ITGB4: variants seen among roughly 807,000 people sequenced by gnomAD.
ITGB4 encodes the protein integrin beta-4.
In ITGB4, 159 loss-of-function variants were observed where a neutral mutation model predicts 207.6. The ratio of observed to expected loss-of-function variants is 0.77; its 90% CI spans 0.67 to 0.87. The LOEUF is 0.87. Ranked by LOEUF, ITGB4 falls within the 40% of genes least tolerant of loss-of-function variation. The pLI is 0.00. For synonymous variants in ITGB4, 1,020 were observed against 1,062.7 expected, an observed-to-expected ratio of 0.96 and a Z score of 0.78; for missense variants, 2,278 against 2,546.8, an observed-to-expected ratio of 0.89 and a Z score of 2.27.
rs2143571917 is a variant in ITGB4, at chr17:75,757,487, G to C, written c.5401G>C (p.Val1801Leu). The change falls in exon 40 of 40, where the codon GTG (valine) becomes CTG (leucine). Residue 1801 changes from valine (V) to leucine (L), a missense_variant. Coordinates refer to ENST00000200181, the MANE Select transcript of ITGB4 (RefSeq NM_000213.5). ...CACCCGGCATGTGACCCAGGAGTTTGTGAGCCGGACACTGACCACCAGCGG... is the reference window on the plus strand; with the variant it reads ...CACCCGGCATGTGACCCAGGAGTTTCTGAGCCGGACACTGACCACCAGCGG... ...SLTRHVTQEFVSRTLTTSGTL... is the reference protein window; with the variant it reads ...SLTRHVTQEFLSRTLTTSGTL... The C allele has an allele frequency of 1.2e-6, 2 of 1,613,058 alleles. No individual in the cohort carries two copies. The highest frequency in any genetic ancestry group is 1.7e-6 in the Non-Finnish European group (2 of 1,180,012).
At chr17:75,735,396 A>G (rs915724003) in intron 13 of ITGB4, among the ~76,000 whole-genome samples, 2 of 132,438 alleles carry the variant, frequency 1.5e-5, no homozygotes, top group African/African-American at 5.8e-5. Context: ...TGACAGTTTT[A>G]TTTCTTTTTT....
In ITGB4 at chr17:75,753,769, C is replaced by G; in HGVS notation, c.4113C>G (p.Cys1371Trp). 6.9e-7 allele frequency: 1 copy of G among 1,444,564 alleles called. No homozygotes were observed. The allele number at this position is 1,444,564 out of a possible 1,614,324, so 89.5% of individuals were successfully genotyped here. The change falls in exon 33 of 40, where the codon TGC becomes TGG. Residue 1371 changes from cysteine (C) to tryptophan (W), a missense_variant. Coordinates refer to ENST00000200181, the MANE Select transcript of ITGB4 (RefSeq NM_000213.5). Reference protein sequence around the residue: ...QRPSVSDDTGCGWKFEPLLGE... With the variant: ...QRPSVSDDTGWGWKFEPLLGE... Reference sequence around the variant, plus strand: ...CGGCCCTTCGTTGTTCCCAAGGCTGCGGCTGGAAGTTCGAGCCCCTGCTGG... The same window carrying G: ...CGGCCCTTCGTTGTTCCCAAGGCTGGGGCTGGAAGTTCGAGCCCCTGCTGG...
In ITGB4 at chr17:75,751,124, T is replaced by A; in HGVS notation, c.3793+13T>A. The A allele has an allele frequency of 6.2e-7, 1 of 1,612,356 alleles. No individual in the cohort carries two copies. Among genetic ancestry groups the A allele is most frequent in the Non-Finnish European group, 8.5e-7 (1 of 1,179,988 alleles). The stretch of plus-strand genomic sequence containing the variant: ...AACGATGACAACCGTAAGAACCAGA[T>A]CCTTCTTTCCTGCCCACAGGGAGAA... On this transcript the variant is annotated intron_variant, in intron 30 of 39. Transcript: ENST00000200181.
intron 35 of ITGB4, 88 bp from the exon 36 acceptor site, chr17:75,756,341 G>T: frequency 1.4e-6 from 2 of 1,461,298 alleles, no homozygotes; most frequent in Admixed American, 3.4e-5. Flanking sequence ...TGATAACTAG[G>T]TCTCGATGGC....
chr17:75,753,614 G>T, intron 32 of ITGB4, 151 bp from the exon 33 acceptor site: 1 of 457,300 alleles, frequency 2.2e-6, no homozygotes. Context: ...CGCTCCGGCC[G>T]TGCGCATCTA....
intron 1 of ITGB4, among the ~76,000 whole-genome samples, chr17:75,723,068 C>T (rs1025666689): frequency 9.9e-5 from 15 of 152,212 alleles, no homozygotes; most frequent in African/African-American, 2.9e-4. Flanking sequence ...TTGGGTGCCT[C>T]GCCAACCCTC....
chr17:75,740,374 C>G lies in ITGB4; in HGVS notation c.2463C>G (p.Ser821=). ...TTTCCTTAGTGCCCTACGGGCTGTCCTTGCGCCTGGCCCGCCTTTGCACCG... is the reference window on the plus strand; with the variant it reads ...TTTCCTTAGTGCCCTACGGGCTGTCGTTGCGCCTGGCCCGCCTTTGCACCG... ...NPTELVPYGL[S]LRLARLCTEN... Residue 821 remains serine (S), a synonymous_variant, in exon 21 of 40, where the codon TCC becomes TCG. Transcript: ENST00000200181. This position sits in a 1 kb window ranked among gnomAD's most constrained non-coding sequence, Gnocchi z 5.9. 6.2e-7 allele frequency: 1 copy of G among 1,613,680 alleles called. No individual in the cohort carries two copies. Among genetic ancestry groups the G allele is most frequent in the Non-Finnish European group, 8.5e-7 (1 of 1,180,018 alleles).
intron 13 of ITGB4, among the ~76,000 whole-genome samples, chr17:75,735,633 A>C (rs942842821): frequency 1.3e-5 from 2 of 151,670 alleles, no homozygotes; most frequent in African/African-American, 4.9e-5. Context: ...GGATGGTCTC[A>C]GTCTCTTGAC....
At position 75,730,361 on chromosome 17, in the gene ITGB4, C is replaced by A. The variant is rs140750952; in HGVS notation, c.859C>A (p.Arg287=). 6.2e-7 allele frequency: 1 copy of A among 1,613,906 alleles called. No individual in the cohort carries two copies. Among genetic ancestry groups the A allele is most frequent in the East Asian group, 2.2e-5 (1 of 44,884 alleles). ...TGGCATCATGAGCCGCAACGATGAACGGTGCCACCTGGACACCACGGGCAC... is the reference window on the plus strand; with the variant it reads ...TGGCATCATGAGCCGCAACGATGAAAGGTGCCACCTGGACACCACGGGCAC... ...LAGIMSRNDE[R]CHLDTTGTYT... is the part of the protein sequence containing the mutation. The change falls in exon 8 of 40, where the codon CGG becomes AGG. Residue 287 remains arginine, a synonymous_variant. Transcript: ENST00000200181.
At position 75,736,153 on chromosome 17, in the gene ITGB4, G is replaced by A; in HGVS notation, c.1760G>A (p.Gly587Glu). 1 of 1,613,970 alleles carries A rather than the reference G, an allele frequency of 6.2e-7. No homozygotes were observed. Among genetic ancestry groups the A allele is most frequent in the Non-Finnish European group, 8.5e-7 (1 of 1,179,854 alleles). ...AATGCCACCTGCATCGACAGCAATG[G>A]GGTAGGCCTGGGCATAAGACAGACA... ...LSNATCIDSN[G>E]GICNGRGHCE... Residue 587 changes from glycine (G) to glutamate (E), a missense_variant and splice_region_variant, in exon 14 of 40, where the codon GGG (glycine) becomes GAG (glutamate). By Grantham distance (98) the Gly-to-Glu change is moderately conservative. Coordinates refer to ENST00000200181, the MANE Select transcript of ITGB4 (RefSeq NM_000213.5).
chr17:75,750,726 T>C lies in ITGB4; in HGVS notation c.3521T>C (p.Leu1174Pro). Residue 1174 changes from leucine to proline, a missense_variant, in exon 29 of 40, where the codon CTC becomes CCC. Leu to Pro is a moderately conservative substitution (Grantham distance 98). Coordinates refer to ENST00000200181, the MANE Select transcript of ITGB4 (RefSeq NM_000213.5). This position sits in a 1 kb window ranked among gnomAD's most constrained non-coding sequence, Gnocchi z 5.5. ...QGDSESEAHLLDSKVPSVELT... is the reference protein window; with the variant it reads ...QGDSESEAHLPDSKVPSVELT... ...GACTCCGAATCCGAAGCCCACCTGCTCGACAGCAAGGTGCCCTCAGTGGAG... is the reference window on the plus strand; with the variant it reads ...GACTCCGAATCCGAAGCCCACCTGCCCGACAGCAAGGTGCCCTCAGTGGAG... The C allele has an allele frequency of 6.2e-7, 1 of 1,613,488 alleles. No individual in the cohort carries two copies. The highest frequency in any genetic ancestry group is 8.5e-7 in the Non-Finnish European group (1 of 1,180,014).
intron 26 of ITGB4, 36 bp downstream of exon 26, chr17:75,743,897 G>T: frequency 6.5e-7 from 1 of 1,548,656 alleles, no homozygotes; most frequent in Non-Finnish European, 8.7e-7. Flanking sequence ...GTGCAGCCCG[G>T]GGGGCTGCGT....
At position 75,732,812 on chromosome 17, in the gene ITGB4, C is replaced by A. The variant is rs1280592344; in HGVS notation, c.1454+573C>A. Among the ~76,000 whole-genome samples, 4 of 152,162 alleles carry A rather than the reference C, an allele frequency of 2.6e-5. No individual in the cohort carries two copies. The highest frequency in any genetic ancestry group is 5.9e-5 in the Non-Finnish European group (4 of 68,034). On this transcript the variant is annotated intron_variant, in intron 12 of 39. Transcript: ENST00000200181. The surrounding 1 kb of genome is among the most constrained non-coding windows in gnomAD (Gnocchi z 5.3). ...CTGTAAAATGGGACAGCAGGCCAGG[C>A]GAGGTGGCTCACACCTGTAATCCCA...
In ITGB4 at chr17:75,750,599, A is replaced by AAGGGCAG. The variant is rs2061345379; in HGVS notation, c.3475-77_3475-71dup. 3 of 1,274,890 alleles carry AAGGGCAG rather than the reference A, an allele frequency of 2.4e-6. No individual in the cohort carries two copies. Among genetic ancestry groups the AAGGGCAG allele is most frequent in the Admixed American group, 3.7e-5 (2 of 53,364 alleles). 79.0% of individuals were successfully genotyped at this position (1,274,890 alleles called of 1,614,324 possible). A position where few individuals can be genotyped will look rare whatever the true frequency, so the allele number is the denominator to read the frequency against. ...GCCTCATCTGTGCAAAGAGGACAGT[A>AAGGGCAG]AGGGCAGAGGTCAGAGGAGGGACAG... On this transcript the variant is annotated intron_variant, in intron 28 of 39. Transcript: ENST00000200181. This position sits in a 1 kb window ranked among gnomAD's most constrained non-coding sequence, Gnocchi z 5.5.
intron 38 of ITGB4, 23 bp from the exon 39 acceptor site, chr17:75,757,173 TCTGA>T: frequency 1.9e-6 from 3 of 1,611,702 alleles, no homozygotes; most frequent in South Asian, 2.2e-5. Context: ...GGCACCACCC[TCTGA>T]CTGGCCTATC....
At position 75,732,070 on chromosome 17, in the gene ITGB4, T is replaced by C. The variant is rs2060873851; in HGVS notation, c.1378-93T>C. On this transcript the variant is annotated intron_variant, in intron 11 of 39. Transcript: ENST00000200181. The surrounding 1 kb of genome is among the most constrained non-coding windows in gnomAD (Gnocchi z 5.3). ...GGACTCCTGTGCCCCATATCCCTTGTGGGGTTTCCCGAGGCACACAGGAGA... is the reference window on the plus strand; with the variant it reads ...GGACTCCTGTGCCCCATATCCCTTGCGGGGTTTCCCGAGGCACACAGGAGA... 1 of 1,608,476 alleles carries C rather than the reference T, an allele frequency of 6.2e-7. No homozygotes were observed. Among genetic ancestry groups the C allele is most frequent in the African/African-American group, 1.3e-5 (1 of 74,816 alleles).
At chr17:75,749,910 C>A (rs2061327167) in intron 27 of ITGB4, among the ~76,000 whole-genome samples, 1 of 152,222 alleles carries the variant, frequency 6.6e-6, no homozygotes, top group South Asian at 2.1e-4. Context: ...CCTCCAGAGA[C>A]CCTCCTGGGT....
At chr17:75,726,803 G>C (rs1368647447) in intron 2 of ITGB4, among the ~76,000 whole-genome samples, 1 of 152,086 alleles carries the variant, frequency 6.6e-6, no homozygotes, top group Admixed American at 6.6e-5. Flanking sequence ...GCCGGGCCCG[G>C]TGGCTCCCAC....
chr17:75,745,604 C>T (rs1334925114), intron 26 of ITGB4, among the ~76,000 whole-genome samples: 1 of 151,890 alleles, frequency 6.6e-6, no homozygotes, highest in Non-Finnish European at 1.5e-5. Context: ...AAAGGCCAGG[C>T]GAGGTGGCGT....
Sources: gnomAD v4.1 joint callset for allele counts (sites outside exome capture counted in the v4.1 genomes callset) on GRCh38, gnomAD v4.1.1 for gene constraint, Gnocchi (gnomAD v3.1) non-coding constraint, MANE v1.5 for transcripts, NCBI Gene and HGNC (gene_info 2026-07-23, HGNC 2026-07-21) for gene names.